The following AGTPBP1 variants were observed in gnomAD, a reference collection of about 807,000 sequenced individuals.
AGTPBP1 encodes cytosolic carboxypeptidase 1.
AGTPBP1 carries 70 observed loss-of-function variants against 143.9 expected under a neutral mutation model. That is an observed-to-expected ratio of 0.49 (90% CI 0.40 to 0.59). AGTPBP1 has a LOEUF of 0.59. Among genes scored for constraint, AGTPBP1 ranks in the 20% least tolerant of loss-of-function variants. AGTPBP1 has a pLI of 0.00. For synonymous variants in AGTPBP1, 463 were observed against 500.2 expected, an observed-to-expected ratio of 0.93 and a Z score of 0.99; for missense variants, 1,229 against 1,464.5, an observed-to-expected ratio of 0.84 and a Z score of 2.62.
intron 23 of AGTPBP1, among the ~76,000 whole-genome samples, chr9:85,584,644 A>G (rs1340225425): frequency 1.3e-5 from 2 of 150,210 alleles, no homozygotes; most frequent in Non-Finnish European, 2.9e-5. Flanking sequence ...TCCTTTGTAG[A>G]AGAATCTGAA....
the AGTPBP1 span, among the ~76,000 whole-genome samples, chr9:85,748,330 A>C: frequency 6.6e-6 from 1 of 151,546 alleles, no homozygotes; most frequent in Non-Finnish European, 1.5e-5. Flanking sequence ...AGCTCATCCT[A>C]CTCCACCAGT....
the AGTPBP1 span, among the ~76,000 whole-genome samples, chr9:85,784,445 T>TAG: frequency 1.3e-5 from 2 of 152,172 alleles, no homozygotes; most frequent in Non-Finnish European, 2.9e-5. Context: ...TCTTGCTCTG[T>TAG]TGCCCAGGCT....
At chr9:85,660,581 A>G (rs1221500786) in intron 9 of AGTPBP1, among the ~76,000 whole-genome samples, 1 of 152,122 alleles carries the variant, frequency 6.6e-6, no homozygotes, top group Non-Finnish European at 1.5e-5. Flanking sequence ...GTTGTTAAAG[A>G]TATTTCTTAT....
chr9:85,600,619 C>T (rs1571119), intron 17 of AGTPBP1, among the ~76,000 whole-genome samples: 99,466 of 151,876 alleles, frequency 0.65, 33,924 homozygotes, highest in African/African-American at 0.85. Flanking sequence ...GGTCCACATC[C>T]GCACTACAGA....
At chr9:85,673,526 TAACAC>T (rs948813456) in intron 6 of AGTPBP1, among the ~76,000 whole-genome samples, 2 of 152,198 alleles carry the variant, frequency 1.3e-5, no homozygotes, top group Non-Finnish European at 2.9e-5. Context: ...AAATAATTCT[TAACAC>T]AGGAAGGGAA....
At chr9:85,758,078 C>G in the AGTPBP1 span, among the ~76,000 whole-genome samples, 3 of 152,076 alleles carry the variant, frequency 2.0e-5, no homozygotes, top group African/African-American at 7.2e-5. Context: ...TGGAAGCCCC[C>G]ACTTAAATAA....
chr9:85,686,873 C>T (rs1243855395), intron 3 of AGTPBP1, among the ~76,000 whole-genome samples: 1 of 151,936 alleles, frequency 6.6e-6, no homozygotes, highest in Non-Finnish European at 1.5e-5. Flanking sequence ...TGAAACAAAA[C>T]AATTAGCAAA....
At chr9:85,656,118 C>A (rs1041616661) in intron 10 of AGTPBP1, among the ~76,000 whole-genome samples, 1 of 152,180 alleles carries the variant, frequency 6.6e-6, no homozygotes, top group Admixed American at 6.6e-5. Context: ...TGAGCCACTG[C>A]GCCTGGCCCA....
chr9:85,573,252 C>T (rs1041315271), intron 25 of AGTPBP1, among the ~76,000 whole-genome samples: 3 of 152,160 alleles, frequency 2.0e-5, no homozygotes, highest in East Asian at 1.9e-4. Context: ...TGCAGGCACG[C>T]GCCACCACGC....
At chr9:85,586,568 T>C (rs944955829) in intron 22 of AGTPBP1, among the ~76,000 whole-genome samples, 3 of 152,150 alleles carry the variant, frequency 2.0e-5, no homozygotes. Flanking sequence ...GTTTGAGAAT[T>C]TGGAAGATAC....
intron 1 of AGTPBP1, among the ~76,000 whole-genome samples, chr9:85,725,669 G>A (rs7025249): frequency 0.028 from 4,294 of 152,196 alleles, 187 homozygotes; most frequent in African/African-American, 0.098. Flanking sequence ...CAGCACTTTG[G>A]GAGGCCAAGG....
At chr9:85,799,290 T>C in the AGTPBP1 span, among the ~76,000 whole-genome samples, 6 of 152,210 alleles carry the variant, frequency 3.9e-5, no homozygotes, top group Admixed American at 2.6e-4. Flanking sequence ...GCAATAAACA[T>C]ACGTGTGTGT....
intron 25 of AGTPBP1, among the ~76,000 whole-genome samples, chr9:85,556,069 G>T (rs962222290): frequency 6.6e-6 from 1 of 152,008 alleles, no homozygotes; most frequent in African/African-American, 2.4e-5. Flanking sequence ...ATAATCTGTA[G>T]AACAAACCCC....
intron 1 of AGTPBP1, among the ~76,000 whole-genome samples, chr9:85,721,489 GCT>G (rs1491556306): frequency 2.8e-4 from 36 of 129,012 alleles, no homozygotes; most frequent in African/African-American, 1.3e-3. Flanking sequence ...TGCAACCCCT[GCT>G]TTTTTTTTTT....
intron 6 of AGTPBP1, among the ~76,000 whole-genome samples, chr9:85,674,731 C>T (rs1195233001): frequency 1.3e-5 from 2 of 152,024 alleles, no homozygotes; most frequent in Non-Finnish European, 2.9e-5. Context: ...AAAACAACAC[C>T]TATAAAAACT....
intron 18 of AGTPBP1, among the ~76,000 whole-genome samples, chr9:85,594,993 G>C (rs1166098103): frequency 6.6e-6 from 1 of 152,142 alleles, no homozygotes; most frequent in Non-Finnish European, 1.5e-5. Flanking sequence ...ATGAGAAAGA[G>C]ACAAGTGATG....
At chr9:85,671,128 T>TG (rs910010287) in intron 7 of AGTPBP1, among the ~76,000 whole-genome samples, 2 of 151,734 alleles carry the variant, frequency 1.3e-5, no homozygotes, top group African/African-American at 4.8e-5. Flanking sequence ...TTTTTTTTTT[T>TG]GTAGAAATGG....
intron 13 of AGTPBP1, among the ~76,000 whole-genome samples, chr9:85,641,703 T>TC (rs934200719): frequency 6.6e-6 from 1 of 151,752 alleles, no homozygotes; most frequent in Non-Finnish European, 1.5e-5. Flanking sequence ...GATAAATGTT[T>TC]CTTTTTTTTT....
intron 19 of AGTPBP1, 113 bp from the exon 20 acceptor site, chr9:85,589,794 C>T: frequency 9.2e-7 from 1 of 1,086,782 alleles, no homozygotes; most frequent in Non-Finnish European, 1.3e-6. Flanking sequence ...TTCTTAACCC[C>T]TTATCCAAAA....
Sources: allele counts gnomAD v4.1 joint callset (sites outside exome capture counted in the v4.1 genomes callset), GRCh38; gene constraint gnomAD v4.1.1; transcripts MANE v1.5; gene names NCBI Gene and HGNC (gene_info 2026-07-23, HGNC 2026-07-21).